LGR6: variants seen among roughly 807,000 people sequenced by gnomAD.
The protein encoded by LGR6 is leucine-rich repeat-containing G protein-coupled receptor 6.
LGR6 carries 45 observed loss-of-function variants against 69.4 expected under a neutral mutation model. That is an observed-to-expected ratio of 0.65 (90% CI 0.51 to 0.83). The LOEUF is 0.83. LGR6 is among the 40% of genes least tolerant of loss of function. The pLI is 0.00. For synonymous variants in LGR6, 538 were observed against 555.0 expected (o/e 0.97, Z 0.43); for missense variants, 1,108 against 1,246.7 (o/e 0.89, Z 1.68).
At chr1:202,216,650 C>G (rs947040590) in intron 1 of LGR6, among the ~76,000 whole-genome samples, 1 of 151,782 alleles carries the variant, frequency 6.6e-6, no homozygotes, top group Non-Finnish European at 1.5e-5. Context: ...CAGAGGGGGC[C>G]CAGAAGCAGT....
chr1:202,276,270 C>A, intron 4 of LGR6, 36 bp from the exon 5 acceptor site: 1 of 1,566,200 alleles, frequency 6.4e-7, no homozygotes, highest in Non-Finnish European at 8.8e-7. Flanking sequence ...TGCATCTTGC[C>A]CTGGATTGAC....
intron 1 of LGR6, among the ~76,000 whole-genome samples, chr1:202,198,607 G>A (rs1304371496): frequency 6.6e-6 from 1 of 151,920 alleles, no homozygotes; most frequent in Non-Finnish European, 1.5e-5. Context: ...GGGGCTGTGA[G>A]AGCTGCAAGA....
chr1:202,244,236 C>T (rs924739340), intron 4 of LGR6, among the ~76,000 whole-genome samples: 7 of 152,152 alleles, frequency 4.6e-5, no homozygotes, highest in Non-Finnish European at 1.0e-4. Flanking sequence ...GGATTACAGG[C>T]TTGAGCCACC....
intron 1 of LGR6, among the ~76,000 whole-genome samples, chr1:202,205,650 ACACACG>A (rs1308524165): frequency 3.4e-5 from 5 of 144,990 alleles, no homozygotes; most frequent in African/African-American, 1.3e-4. Context: ...AAACACACAC[ACACACG>A]CACACCTCCC....
At position 202,227,897 on chromosome 1, in the gene LGR6, TA is replaced by T. The variant is rs754953656; in HGVS notation, c.285-38del. The stretch of plus-strand genomic sequence containing the variant: ...TATGGAGGTCACCACCTCCTTGGGT[TA>T]CCTGCCAACATCGCTGACCCTTGTC... On this transcript the variant is annotated intron_variant, in intron 2 of 17. Coordinates refer to ENST00000367278, the MANE Select transcript of LGR6 (RefSeq NM_001017403.2). 9 of 1,492,742 alleles carry T rather than the reference TA, an allele frequency of 6.0e-6. No individual in the cohort carries two copies. In the Admixed American group the frequency reaches 1.5e-4, roughly 25 times the overall value. 92.5% of individuals were successfully genotyped at this position (1,492,742 alleles called of 1,614,324 possible).
chr1:202,307,541 G>C, intron 14 of LGR6, 140 bp downstream of exon 14: 1 of 701,350 alleles, frequency 1.4e-6, no homozygotes, highest in Non-Finnish European at 2.5e-6. Context: ...CAATCATTCT[G>C]ACAATCCGTT....
intron 1 of LGR6, among the ~76,000 whole-genome samples, chr1:202,220,887 TCACA>T (rs960245454): frequency 6.6e-6 from 1 of 150,596 alleles, no homozygotes; most frequent in Admixed American, 6.6e-5. Flanking sequence ...TCACACACAT[TCACA>T]CACACACACA....
intron 4 of LGR6, among the ~76,000 whole-genome samples, chr1:202,247,533 A>G (rs1268820179): frequency 6.6e-6 from 1 of 152,208 alleles, no homozygotes; most frequent in Non-Finnish European, 1.5e-5. Flanking sequence ...TCACTTGTAC[A>G]CATGGGATGT....
intron 1 of LGR6, among the ~76,000 whole-genome samples, chr1:202,205,382 C>CA (rs1659142807): frequency 2.9e-3 from 2 of 686 alleles, no homozygotes; most frequent in African/African-American, 4.9e-3. Context: ...ACACACACCT[C>CA]ACACACCTCC....
intron 4 of LGR6, among the ~76,000 whole-genome samples, chr1:202,266,958 TA>T (rs908644428): frequency 8.5e-5 from 13 of 152,172 alleles, no homozygotes; most frequent in Non-Finnish European, 1.8e-4. Context: ...GTTGCTAGAC[TA>T]TGAGTTCCTT....
At chr1:202,227,213 C>T (rs185993145) in intron 2 of LGR6, among the ~76,000 whole-genome samples, 1 of 152,322 alleles carries the variant, frequency 6.6e-6, no homozygotes, top group Non-Finnish European at 1.5e-5. Flanking sequence ...ACAATCTCCA[C>T]ATCTACAAGC....
chr1:202,278,039 C>G (rs752183075), intron 5 of LGR6, among the ~76,000 whole-genome samples: 2 of 151,988 alleles, frequency 1.3e-5, no homozygotes, highest in Non-Finnish European at 2.9e-5. Flanking sequence ...AGGTGCATGT[C>G]GGGACTTTCA....
intron 6 of LGR6, among the ~76,000 whole-genome samples, chr1:202,290,392 C>G (rs192261393): frequency 6.6e-6 from 1 of 152,208 alleles, no homozygotes; most frequent in African/African-American, 2.4e-5. Flanking sequence ...CAATCCTCCA[C>G]GTCCATTTAT....
intron 5 of LGR6, among the ~76,000 whole-genome samples, chr1:202,277,394 TC>T (rs1360634968): frequency 1.3e-5 from 2 of 151,440 alleles, no homozygotes; most frequent in Non-Finnish European, 2.9e-5. Flanking sequence ...AAGGTCAATA[TC>T]CTTGTGGACT....
Position 202,317,987 on chromosome 1 carries a change from T to C in LGR6, c.1684T>C (p.Trp562Arg). 1.2e-6 allele frequency: 2 copies of C among 1,613,662 alleles called. No homozygotes were observed. The highest frequency in any genetic ancestry group is 1.7e-6 in the Non-Finnish European group (2 of 1,179,748). Residue 562 changes from tryptophan (W) to arginine (R), a missense_variant, in exon 18 of 18, where the codon TGG becomes CGG. Physicochemically the swap from Trp to Arg is moderately radical, Grantham distance 101. Coordinates refer to ENST00000367278, the MANE Select transcript of LGR6 (RefSeq NM_001017403.2). ...GCCCTGTGAGTACCTCTTTGAAAGC[T>C]GGGGCATCCGCCTGGCCGTGTGGGC... is the stretch of plus-strand genomic sequence containing the variant. ...FKPCEYLFES[W>R]GIRLAVWAIV...
chr1:202,238,972 G>C (rs898127774), intron 4 of LGR6, among the ~76,000 whole-genome samples: 1 of 152,176 alleles, frequency 6.6e-6, no homozygotes, highest in Non-Finnish European at 1.5e-5. Context: ...GCGGGCTGAG[G>C]CGTAAAATGG....
At chr1:202,296,113 G>C (rs2148239390) in intron 6 of LGR6, among the ~76,000 whole-genome samples, 1 of 152,226 alleles carries the variant, frequency 6.6e-6, no homozygotes, top group East Asian at 1.9e-4. Flanking sequence ...CCTCCATGTG[G>C]TCCCCCTGCC....
At chr1:202,275,541 T>A (rs1571944561) in intron 4 of LGR6, among the ~76,000 whole-genome samples, 3 of 152,302 alleles carry the variant, frequency 2.0e-5, no homozygotes, top group African/African-American at 7.2e-5. Context: ...TCTGTTCACC[T>A]GTTCTGAGAG....
At chr1:202,276,822 A>G (rs965974870) in intron 5 of LGR6, among the ~76,000 whole-genome samples, 1 of 152,236 alleles carries the variant, frequency 6.6e-6, no homozygotes. Flanking sequence ...TATAATAACT[A>G]TACCTTGATA....
Sources: allele counts gnomAD v4.1 joint callset (sites outside exome capture counted in the v4.1 genomes callset), GRCh38; gene constraint gnomAD v4.1.1; transcripts MANE v1.5; gene names NCBI Gene and HGNC (gene_info 2026-07-23, HGNC 2026-07-21).